The following CNTN4 variants were observed in gnomAD, a reference collection of about 807,000 sequenced individuals.
CNTN4 encodes the protein contactin 4, also known as contactin-4.
Under a neutral mutation model 122.5 loss-of-function variants are expected in CNTN4, and 77 were observed. That is an observed-to-expected ratio of 0.63 (90% CI 0.52 to 0.76). The LOEUF is 0.76. Ranked by LOEUF, CNTN4 falls within the 30% of genes least tolerant of loss-of-function variation. The probability of loss-of-function intolerance (pLI) is 0.00; values close to 1 mark genes in which losing one functional copy is unlikely to be tolerated. For synonymous variants in CNTN4, 512 were observed against 447.0 expected (o/e 1.15, Z -1.83); for missense variants, 1,256 against 1,259.1 (o/e 1.00, Z 0.04).
chr3:2,187,667 A>C (rs2037336239), intron 2 of CNTN4, among the ~76,000 whole-genome samples: 1 of 152,130 alleles, frequency 6.6e-6, no homozygotes, highest in African/African-American at 2.4e-5. Context: ...CTACATGCAG[A>C]GATGTATTTA....
At chr3:2,406,609 ATAAAG>A (rs1257112770) in intron 3 of CNTN4, among the ~76,000 whole-genome samples, 1 of 152,106 alleles carries the variant, frequency 6.6e-6, no homozygotes, top group African/African-American at 2.4e-5. Context: ...TTTTTAAAAT[ATAAAG>A]TAATTTTTTT....
At chr3:2,378,912 C>T (rs531009797) in intron 3 of CNTN4, among the ~76,000 whole-genome samples, 3 of 152,090 alleles carry the variant, frequency 2.0e-5, no homozygotes, top group Non-Finnish European at 4.4e-5. Context: ...ACCAATATCA[C>T]TATCAATTAG....
chr3:2,964,247 C>T (rs1227296478), intron 13 of CNTN4, among the ~76,000 whole-genome samples: 1 of 152,136 alleles, frequency 6.6e-6, no homozygotes, highest in Non-Finnish European at 1.5e-5. Context: ...AAGTAATCGG[C>T]AATTTCATTG....
chr3:2,521,857 C>T (rs2077230015), intron 3 of CNTN4, among the ~76,000 whole-genome samples: 1 of 151,950 alleles, frequency 6.6e-6, no homozygotes, highest in Non-Finnish European at 1.5e-5. Context: ...GGGCTCAACA[C>T]TGTGGAGTGA....
chr3:3,023,735 G>T (rs926999267), intron 14 of CNTN4, among the ~76,000 whole-genome samples: 3 of 152,182 alleles, frequency 2.0e-5, no homozygotes, highest in Admixed American at 2.0e-4. Context: ...CCTGACACGT[G>T]CAGTGAAGCC....
intron 14 of CNTN4, among the ~76,000 whole-genome samples, chr3:3,016,622 C>T (rs1246277942): frequency 6.6e-6 from 1 of 152,096 alleles, no homozygotes; most frequent in Non-Finnish European, 1.5e-5. Flanking sequence ...GGGAGGCAAC[C>T]AAGAGCATTC....
chr3:3,054,467 A>G (rs1343929072), intron 24 of CNTN4, among the ~76,000 whole-genome samples: 3 of 152,352 alleles, frequency 2.0e-5, no homozygotes, highest in African/African-American at 2.4e-5. Flanking sequence ...ATGTCTCTCT[A>G]TAGTCAAGAT....
rs376415989 is a variant in CNTN4, at chr3:2,905,485, T to G, written c.1207+2480T>G. Among the ~76,000 whole-genome samples the G allele has an allele frequency of 1.6e-4, 24 of 152,324 alleles. 1 individual carries two copies. In the East Asian group the frequency reaches 3.1e-3, roughly 20 times the overall value. ...TTTATAAGGGCACTAATCCCATTCA[T>G]AAGGTGCTTCACCCTTATGAAGGGC... On this transcript the variant is annotated intron_variant, in intron 12 of 24. Transcript: ENST00000418658.
At chr3:2,540,109 T>C (rs1487933831) in intron 3 of CNTN4, among the ~76,000 whole-genome samples, 5 of 151,872 alleles carry the variant, frequency 3.3e-5, no homozygotes, top group African/African-American at 4.8e-5. Flanking sequence ...CAGCAAATAT[T>C]TTTTCAGCTA....
At chr3:2,705,956 A>G (rs2086705042) in intron 4 of CNTN4, among the ~76,000 whole-genome samples, 1 of 131,420 alleles carries the variant, frequency 7.6e-6, no homozygotes, top group South Asian at 2.2e-4. Flanking sequence ...TATAATATAT[A>G]AATATATAAA....
At chr3:2,272,316 T>G (rs2149824638) in intron 2 of CNTN4, among the ~76,000 whole-genome samples, 1 of 152,280 alleles carries the variant, frequency 6.6e-6, no homozygotes, top group Non-Finnish European at 1.5e-5. Context: ...TTACTCCACA[T>G]ATTTATTTAT....
intron 2 of CNTN4, among the ~76,000 whole-genome samples, chr3:2,245,849 T>C (rs914047634): frequency 3.9e-5 from 6 of 152,074 alleles, no homozygotes; most frequent in Non-Finnish European, 8.8e-5. Flanking sequence ...CTGAAGTTTT[T>C]ATATTTTTCA....
At chr3:2,398,182 A>C (rs570011255) in intron 3 of CNTN4, among the ~76,000 whole-genome samples, 4 of 152,196 alleles carry the variant, frequency 2.6e-5, no homozygotes, top group Non-Finnish European at 5.9e-5. Context: ...AGTGCATCAA[A>C]AATTATGAAA....
intron 3 of CNTN4, among the ~76,000 whole-genome samples, chr3:2,427,848 T>A (rs2151168889): frequency 6.6e-6 from 1 of 152,072 alleles, no homozygotes; most frequent in Non-Finnish European, 1.5e-5. Flanking sequence ...TCGCTTCTGA[T>A]CTTTGTTGGT....
rs1358233966 is a variant in CNTN4, at chr3:3,009,514, A to G, written c.1487-16588A>G. 4.6e-5 allele frequency among the ~76,000 whole-genome samples: 7 copies of G among 151,206 alleles called. No individual in the cohort carries two copies. In the South Asian group the frequency reaches 6.3e-4, roughly 14 times the overall value. Reference sequence around the variant, plus strand: ...AGTGGCGCGATCTCAGCTCACTGCAAGCTCCGCCCCCCGGGTTCCCGCCAT... The same window carrying G: ...AGTGGCGCGATCTCAGCTCACTGCAGGCTCCGCCCCCCGGGTTCCCGCCAT... On this transcript the variant is annotated intron_variant, in intron 14 of 24. Coordinates refer to ENST00000418658, the MANE Select transcript of CNTN4 (RefSeq NM_175607.3).
chr3:2,443,156 A>C (rs1244203581), intron 3 of CNTN4, among the ~76,000 whole-genome samples: 1 of 152,062 alleles, frequency 6.6e-6, no homozygotes, highest in Non-Finnish European at 1.5e-5. Context: ...GTTAAAAAAA[A>C]AAAAAAAGAA....
chr3:2,541,132 TTA>T (rs765607731), intron 3 of CNTN4, among the ~76,000 whole-genome samples: 4 of 152,124 alleles, frequency 2.6e-5, no homozygotes, highest in African/African-American at 4.8e-5. Flanking sequence ...GTTTGAAGAA[TTA>T]TTTGTTTGCA....
chr3:2,652,850 T>C (rs1368966958), intron 4 of CNTN4, among the ~76,000 whole-genome samples: 4 of 152,196 alleles, frequency 2.6e-5, no homozygotes, highest in African/African-American at 9.7e-5. Flanking sequence ...AAAATACTTA[T>C]GGATCTTTTC....
intron 3 of CNTN4, among the ~76,000 whole-genome samples, chr3:2,521,020 A>T (rs529687683): frequency 1.1e-4 from 17 of 152,250 alleles, no homozygotes; most frequent in South Asian, 1.0e-3. Flanking sequence ...CAAAAAGGAA[A>T]GGCAGTGTTC....
Sources: gnomAD v4.1 joint callset for allele counts (sites outside exome capture counted in the v4.1 genomes callset) on GRCh38, gnomAD v4.1.1 for gene constraint, MANE v1.5 for transcripts, NCBI Gene and HGNC (gene_info 2026-07-23, HGNC 2026-07-21) for gene names.